The following CSMD1 variants were observed in gnomAD, a reference collection of about 807,000 sequenced individuals.
CSMD1 encodes the protein CUB and Sushi multiple domains 1.
A neutral mutation model predicts 417.5 loss-of-function variants in CSMD1; 213 were observed. The ratio of observed to expected loss-of-function variants is 0.51; its 90% CI spans 0.46 to 0.57. The LOEUF is 0.57. Among genes scored for constraint, CSMD1 ranks in the 20% least tolerant of loss-of-function variants. The pLI, the probability that CSMD1 is intolerant of heterozygous loss-of-function variation, is 0.00. For synonymous variants in CSMD1, 2,862 were observed against 1,736.8 expected, an observed-to-expected ratio of 1.65 and a Z score of -16.11; for missense variants, 6,923 against 4,529.7, an observed-to-expected ratio of 1.53 and a Z score of -15.17.
intron 13 of CSMD1, among the ~76,000 whole-genome samples, chr8:3,408,917 A>G (rs1263681698): frequency 6.6e-6 from 1 of 152,196 alleles, no homozygotes; most frequent in Admixed American, 6.5e-5. Context: ...TTATTTACAA[A>G]TAAAAAAAAC....
At chr8:4,269,736 T>A (rs1403261504) in intron 3 of CSMD1, among the ~76,000 whole-genome samples, 1 of 152,198 alleles carries the variant, frequency 6.6e-6, no homozygotes, top group Non-Finnish European at 1.5e-5. Context: ...ATATTTACAT[T>A]CTACTTAAAA....
At chr8:4,092,554 AG>A (rs1800776301) in intron 3 of CSMD1, among the ~76,000 whole-genome samples, 1 of 152,240 alleles carries the variant, frequency 6.6e-6, no homozygotes, top group East Asian at 1.9e-4. Context: ...ATTATTTTAA[AG>A]AAATGTGATT....
intron 3 of CSMD1, among the ~76,000 whole-genome samples, chr8:4,172,153 A>G (rs1312992693): frequency 6.6e-6 from 1 of 152,178 alleles, no homozygotes; most frequent in Non-Finnish European, 1.5e-5. Flanking sequence ...GAAAAGATGG[A>G]CCTAAGAGAA....
intron 23 of CSMD1, 81 bp from the exon 24 acceptor site, chr8:3,308,584 G>A: frequency 7.0e-6 from 8 of 1,143,658 alleles, no homozygotes; most frequent in Admixed American, 2.3e-5. Context: ...AAACAAGGTT[G>A]CTAAATGCTC....
chr8:3,084,058 A>G (rs762813531), intron 49 of CSMD1, among the ~76,000 whole-genome samples: 1 of 152,132 alleles, frequency 6.6e-6, no homozygotes, highest in South Asian at 2.1e-4. Context: ...GTCAGTACAC[A>G]CAACTGCTCA....
intron 25 of CSMD1, among the ~76,000 whole-genome samples, chr8:3,285,297 A>G (rs1803060384): frequency 6.6e-6 from 1 of 152,198 alleles, no homozygotes; most frequent in African/African-American, 2.4e-5. Flanking sequence ...GTGTATTTTT[A>G]AAATAATCAA....
intron 26 of CSMD1, among the ~76,000 whole-genome samples, chr8:3,264,349 A>G (rs1166737472): frequency 6.6e-6 from 1 of 152,192 alleles, no homozygotes; most frequent in Non-Finnish European, 1.5e-5. Flanking sequence ...TTAGTGTGAT[A>G]CAGTGCTATT....
chr8:4,338,674 A>G (rs967874720), intron 3 of CSMD1, among the ~76,000 whole-genome samples: 13 of 152,278 alleles, frequency 8.5e-5, no homozygotes, highest in Middle Eastern at 3.4e-3. Flanking sequence ...AGTCAGAAAT[A>G]GAAGCCACAA....
chr8:4,070,787 G>A (rs1585249433), intron 3 of CSMD1, among the ~76,000 whole-genome samples: 1 of 152,164 alleles, frequency 6.6e-6, no homozygotes, highest in African/African-American at 2.4e-5. Context: ...CTCATAAGCT[G>A]TCATAGCTTC....
intron 3 of CSMD1, among the ~76,000 whole-genome samples, chr8:4,054,759 G>C (rs746735211): frequency 5.9e-5 from 9 of 152,106 alleles, no homozygotes; most frequent in Admixed American, 4.6e-4. Flanking sequence ...TTCTCTGGGG[G>C]TTGATGATGA....
intron 3 of CSMD1, among the ~76,000 whole-genome samples, chr8:4,341,330 A>G (rs962070490): frequency 5.3e-5 from 8 of 152,122 alleles, no homozygotes; most frequent in Non-Finnish European, 1.2e-4. Flanking sequence ...ACTAGGTAAA[A>G]GTTTTTCACA....
At chr8:2,966,327 C>CT (rs1803952823) in intron 58 of CSMD1, among the ~76,000 whole-genome samples, 1 of 152,092 alleles carries the variant, frequency 6.6e-6, no homozygotes, top group African/African-American at 2.4e-5. Flanking sequence ...CTTTTTTGGT[C>CT]TCAATTTTAC....
intron 54 of CSMD1, 23 bp from the exon 55 acceptor site, chr8:2,978,823 C>A: frequency 6.4e-7 from 1 of 1,567,016 alleles, no homozygotes; most frequent in South Asian, 1.2e-5. Flanking sequence ...ACATTTCACA[C>A]ACCATTTAGA....
intron 45 of CSMD1, 74 bp downstream of exon 45, chr8:3,107,644 A>C: frequency 1.2e-6 from 1 of 822,734 alleles, no homozygotes. Context: ...TTGTCTGAGT[A>C]ATGATTACAA....
chr8:4,229,929 A>C (rs964461048), intron 3 of CSMD1, among the ~76,000 whole-genome samples: 1 of 152,174 alleles, frequency 6.6e-6, no homozygotes, highest in African/African-American at 2.4e-5. Context: ...GATTGAGTGA[A>C]TATCTTACAT....
At position 3,158,833 on chromosome 8, in the gene CSMD1, T is replaced by A. The variant is rs548635604; in HGVS notation, c.5845-867A>T. Among the ~76,000 whole-genome samples the A allele has an allele frequency of 7.2e-5, 11 of 152,270 alleles. No individual in the cohort carries two copies. In the South Asian group the frequency reaches 2.3e-3, roughly 32 times the overall value. The stretch of plus-strand genomic sequence containing the variant: ...TTCCATTTGCCACCCACAATTGGCA[T>A]AGAGGCAATTGAAAAACAATATCTA... On this transcript the variant is annotated intron_variant, in intron 38 of 69. Transcript: ENST00000635120.
intron 1 of CSMD1, among the ~76,000 whole-genome samples, chr8:4,846,702 C>T (rs2116809046): frequency 6.6e-6 from 1 of 152,286 alleles, no homozygotes; most frequent in African/African-American, 2.4e-5. Context: ...TGAACTTGGT[C>T]CCATTTTAGA....
intron 3 of CSMD1, among the ~76,000 whole-genome samples, chr8:4,035,052 G>C (rs534861978): frequency 3.9e-5 from 6 of 152,126 alleles, no homozygotes; most frequent in African/African-American, 7.2e-5. Context: ...TAATGCAAAT[G>C]ATTATCGTGC....
intron 3 of CSMD1, among the ~76,000 whole-genome samples, chr8:4,370,313 T>G (rs1802323923): frequency 6.6e-6 from 1 of 151,680 alleles, no homozygotes; most frequent in Non-Finnish European, 1.5e-5. Flanking sequence ...ATGTCTGCTG[T>G]TAGCCTGATG....
Sources: gnomAD v4.1 joint callset for allele counts (sites outside exome capture counted in the v4.1 genomes callset) on GRCh38, gnomAD v4.1.1 for gene constraint, MANE v1.5 for transcripts, NCBI Gene and HGNC (gene_info 2026-07-23, HGNC 2026-07-21) for gene names.